Variants in ADAMTS12 observed in about 807,000 individuals in gnomAD.
The protein encoded by ADAMTS12 is ADAM metallopeptidase with thrombospondin type 1 motif 12, also known as A disintegrin and metalloproteinase with thrombospondin motifs 12.
ADAMTS12 carries 118 observed loss-of-function variants against 167.8 expected under a neutral mutation model. That is an observed-to-expected ratio of 0.70 (90% CI 0.61 to 0.82). The LOEUF (loss-of-function observed/expected upper bound fraction) is 0.82, where lower values mean the gene tolerates loss of function less well. Among genes scored for constraint, ADAMTS12 ranks in the 40% least tolerant of loss-of-function variants. The pLI is 0.00. For missense variants in ADAMTS12, 1,916 were observed against 1,998.8 expected, an observed-to-expected ratio of 0.96 and a Z score of 0.79; for synonymous variants, 704 against 716.9, an observed-to-expected ratio of 0.98 and a Z score of 0.29.
intron 2 of ADAMTS12, among the ~76,000 whole-genome samples, chr5:33,852,852 T>C (rs1188358606): frequency 1.3e-5 from 2 of 152,140 alleles, no homozygotes; most frequent in South Asian, 4.1e-4. Context: ...ATAACAGGTA[T>C]CATCAATAAA....
rs1360358122 is a variant in ADAMTS12, at chr5:33,535,013, A to G, written c.4447-21T>C. 3 of 1,579,838 alleles carry G rather than the reference A, an allele frequency of 1.9e-6. No homozygotes were observed. The African/African-American group carries it at 4.1e-5, about 21-fold the overall frequency. ...GAACACTGAAAGAGAAGGTGAACAG[A>G]GAGTCAGAAGTCCTCCCCACGACTC... On this transcript the variant is annotated intron_variant, in intron 22 of 23. Coordinates refer to ENST00000504830, the MANE Select transcript of ADAMTS12 (RefSeq NM_030955.4).
chr5:33,721,796 G>T (rs185060035), intron 3 of ADAMTS12, among the ~76,000 whole-genome samples: 24 of 152,266 alleles, frequency 1.6e-4, no homozygotes, highest in African/African-American at 5.3e-4. Flanking sequence ...TGTTTTCAAG[G>T]ATAAGTTTTT....
chr5:33,639,639 C>T (rs1740366189), intron 11 of ADAMTS12, among the ~76,000 whole-genome samples: 1 of 152,184 alleles, frequency 6.6e-6, no homozygotes, highest in African/African-American at 2.4e-5. Flanking sequence ...AGTGGCAAAG[C>T]CAAGACTTGA....
At chr5:33,574,766 G>T (rs948585340) in intron 19 of ADAMTS12, among the ~76,000 whole-genome samples, 2 of 151,444 alleles carry the variant, frequency 1.3e-5, no homozygotes, top group African/African-American at 2.4e-5. Flanking sequence ...GAAAAAATGA[G>T]ACTACCTATG....
At chr5:33,547,453 C>A (rs998249086) in intron 21 of ADAMTS12, among the ~76,000 whole-genome samples, 2 of 151,940 alleles carry the variant, frequency 1.3e-5, no homozygotes, top group Non-Finnish European at 2.9e-5. Flanking sequence ...AATGCATCTG[C>A]CATGGAGGGT....
chr5:33,772,118 A>G (rs923980800), intron 2 of ADAMTS12, among the ~76,000 whole-genome samples: 6 of 152,062 alleles, frequency 3.9e-5, no homozygotes, highest in Non-Finnish European at 7.4e-5. Flanking sequence ...CGGCCTCCCA[A>G]GGTGCTGGGA....
At chr5:33,638,795 C>T (rs537434183) in intron 11 of ADAMTS12, among the ~76,000 whole-genome samples, 101 of 152,244 alleles carry the variant, frequency 6.6e-4, no homozygotes, top group African/African-American at 2.2e-3. Flanking sequence ...ATAAGTTAAT[C>T]TTATTTTAGA....
At chr5:33,668,175 G>C (rs4524517) in intron 5 of ADAMTS12, among the ~76,000 whole-genome samples, 1 of 152,210 alleles carries the variant, frequency 6.6e-6, no homozygotes, top group Non-Finnish European at 1.5e-5. Context: ...CATAGCCTAC[G>C]TTAAGTGTGC....
intron 21 of ADAMTS12, among the ~76,000 whole-genome samples, chr5:33,548,701 A>C (rs544990025): frequency 2.0e-5 from 2 of 99,468 alleles, no homozygotes; most frequent in South Asian, 3.0e-4. Flanking sequence ...TCATAAAGAG[A>C]GCACACACAC....
At position 33,856,821 on chromosome 5, in the gene ADAMTS12, C is replaced by T. The variant is rs542791522; in HGVS notation, c.489+24298G>A. Among the ~76,000 whole-genome samples the T allele has an allele frequency of 7.2e-5, 11 of 152,266 alleles. No individual in the cohort carries two copies. The South Asian group carries it at 2.1e-3, about 29-fold the overall frequency. On this transcript the variant is annotated intron_variant, in intron 2 of 23. Transcript: ENST00000504830. The stretch of plus-strand genomic sequence containing the variant: ...CTGGTGGGAATGTAGATTGGTACAG[C>T]CATTACAGAAAACAGTGTGAAAATT...
chr5:33,544,843 C>T (rs548910650), intron 22 of ADAMTS12, among the ~76,000 whole-genome samples: 8 of 152,248 alleles, frequency 5.3e-5, no homozygotes, highest in Admixed American at 2.6e-4. Flanking sequence ...CTTCCTTACA[C>T]CTTATATAAA....
intron 2 of ADAMTS12, among the ~76,000 whole-genome samples, chr5:33,825,435 G>C (rs1748027477): frequency 6.6e-6 from 1 of 152,172 alleles, no homozygotes; most frequent in Admixed American, 6.5e-5. Flanking sequence ...GAGAGATTTA[G>C]TCAGTGGCCA....
chr5:33,576,294 T>G lies in ADAMTS12; in HGVS notation c.3732A>C (p.Pro1244=). Residue 1244 remains proline, a synonymous_variant, in exon 19 of 24, where the codon CCA becomes CCC. Coordinates refer to ENST00000504830, the MANE Select transcript of ADAMTS12 (RefSeq NM_030955.4). The part of the protein sequence containing the change: ...PRVEGMVTEK[P]ANTLLPLGGD... The stretch of plus-strand genomic sequence containing the variant: ...CTCCCAGAGGGAGCAGAGTGTTGGC[T>G]GGCTTTTCAGTAACCATCCCCTCAA... 1 of 1,614,218 alleles carries G rather than the reference T, an allele frequency of 6.2e-7. No homozygotes were observed. The highest frequency in any genetic ancestry group is 1.1e-5 in the South Asian group (1 of 91,088).
chr5:33,712,128 T>C (rs758207221), intron 3 of ADAMTS12, among the ~76,000 whole-genome samples: 1 of 152,148 alleles, frequency 6.6e-6, no homozygotes, highest in Non-Finnish European at 1.5e-5. Flanking sequence ...CTGATGAGGA[T>C]TAAATGACTT....
chr5:33,709,216 A>C (rs779370605), intron 3 of ADAMTS12, among the ~76,000 whole-genome samples: 1 of 152,200 alleles, frequency 6.6e-6, no homozygotes, highest in Non-Finnish European at 1.5e-5. Flanking sequence ...GATGCTGGTG[A>C]GGCTGTGGAG....
intron 2 of ADAMTS12, among the ~76,000 whole-genome samples, chr5:33,867,902 G>A (rs1749884831): frequency 6.6e-6 from 1 of 152,156 alleles, no homozygotes; most frequent in Non-Finnish European, 1.5e-5. Flanking sequence ...CCTGATGGGA[G>A]GTGATTTGGA....
intron 19 of ADAMTS12, among the ~76,000 whole-genome samples, chr5:33,570,022 G>A (rs970875821): frequency 2.0e-5 from 3 of 152,230 alleles, no homozygotes; most frequent in Non-Finnish European, 4.4e-5. Flanking sequence ...TGAATGAAAT[G>A]AAGCAAGAAG....
intron 2 of ADAMTS12, among the ~76,000 whole-genome samples, chr5:33,874,972 G>A (rs189971955): frequency 9.7e-4 from 147 of 152,304 alleles, no homozygotes; most frequent in African/African-American, 3.3e-3. Flanking sequence ...GGAGGCTGAC[G>A]CAGGACAGTT....
chr5:33,695,156 C>T (rs1742708181), intron 3 of ADAMTS12, among the ~76,000 whole-genome samples: 1 of 152,130 alleles, frequency 6.6e-6, no homozygotes, highest in Admixed American at 6.5e-5. Flanking sequence ...GAGATGATGT[C>T]CACAATAGAT....
Sources: gnomAD v4.1 joint callset for allele counts (sites outside exome capture counted in the v4.1 genomes callset) on GRCh38, gnomAD v4.1.1 for gene constraint, MANE v1.5 for transcripts, NCBI Gene and HGNC (gene_info 2026-07-23, HGNC 2026-07-21) for gene names.